Variants in SLC35G2 observed in about 807,000 individuals in gnomAD.
SLC35G2 encodes the protein solute carrier family 35 member G2, also known as transmembrane protein 22.
A neutral mutation model predicts 27.2 loss-of-function variants in SLC35G2; 20 were observed. The ratio of observed to expected loss-of-function variants is 0.74; its 90% CI spans 0.52 to 1.07. SLC35G2 has a LOEUF of 1.07. SLC35G2 is among the 50% of genes least tolerant of loss of function. The probability of loss-of-function intolerance (pLI) is 0.00; values close to 1 mark genes in which losing one functional copy is unlikely to be tolerated. For synonymous variants in SLC35G2, 148 were observed against 165.3 expected, an observed-to-expected ratio of 0.90 and a Z score of 0.80; for missense variants, 416 against 493.3, an observed-to-expected ratio of 0.84 and a Z score of 1.48.
chr3:136,826,006 A>T (rs1395434361), intron 1 of SLC35G2, among the ~76,000 whole-genome samples: 2 of 149,924 alleles, frequency 1.3e-5, no homozygotes, highest in Non-Finnish European at 3.0e-5. Flanking sequence ...GAATTCAGCC[A>T]TCAGGTCCTG....
intron 1 of SLC35G2, among the ~76,000 whole-genome samples, chr3:136,850,942 G>A (rs1937604372): frequency 6.6e-6 from 1 of 152,112 alleles, no homozygotes; most frequent in South Asian, 2.1e-4. Flanking sequence ...CAGTGATCAC[G>A]CCACTGCACT....
chr3:136,820,819 G>T (rs1560008402), intron 1 of SLC35G2, among the ~76,000 whole-genome samples: 1 of 152,044 alleles, frequency 6.6e-6, no homozygotes, highest in Non-Finnish European at 1.5e-5. Flanking sequence ...TGAAGTGTTT[G>T]GTATTTGGCT....
chr3:136,850,623 A>G (rs900931292), intron 1 of SLC35G2, among the ~76,000 whole-genome samples: 1 of 152,172 alleles, frequency 6.6e-6, no homozygotes, highest in Non-Finnish European at 1.5e-5. Flanking sequence ...TCTGAGAATT[A>G]GTAAAAGAAT....
chr3:136,851,494 C>G (rs1296219396), intron 1 of SLC35G2, among the ~76,000 whole-genome samples: 1 of 4,726 alleles, frequency 2.1e-4, no homozygotes, highest in Non-Finnish European at 8.8e-4. Context: ...GAGACTCCGT[C>G]TCAAAAAAAA....
intron 1 of SLC35G2, among the ~76,000 whole-genome samples, chr3:136,853,474 C>A (rs756269344): frequency 1.3e-5 from 2 of 152,046 alleles, no homozygotes; most frequent in African/African-American, 2.4e-5. Flanking sequence ...AATGAACTCT[C>A]CTGTATGTAC....
intron 1 of SLC35G2, chr3:136,846,699 A>G (rs939643628): frequency 3.3e-5 from 5 of 152,246 alleles, no homozygotes; most frequent in Non-Finnish European, 5.9e-5. Context: ...AGAGATATCA[A>G]AACACTGTAA....
intron 1 of SLC35G2, among the ~76,000 whole-genome samples, chr3:136,834,359 G>A (rs1936809655): frequency 6.6e-6 from 1 of 152,142 alleles, no homozygotes; most frequent in African/African-American, 2.4e-5. Context: ...TTGAGACGGA[G>A]TTTCACTCTT....
intron 1 of SLC35G2, among the ~76,000 whole-genome samples, chr3:136,835,567 T>C (rs1055730217): frequency 2.0e-5 from 3 of 152,214 alleles, no homozygotes; most frequent in African/African-American, 7.2e-5. Context: ...GGAAGACACT[T>C]TGAGGCTATG....
At chr3:136,840,495 C>T (rs1199020448) in intron 1 of SLC35G2, among the ~76,000 whole-genome samples, 1 of 151,676 alleles carries the variant, frequency 6.6e-6, no homozygotes, top group Non-Finnish European at 1.5e-5. Context: ...CTTCCTCCTC[C>T]TCTTCCTCCC....
At chr3:136,851,496 CAAAAA>C (rs11427657) in intron 1 of SLC35G2, among the ~76,000 whole-genome samples, 298 of 66,496 alleles carry the variant, frequency 4.5e-3, no homozygotes, top group African/African-American at 0.013. Context: ...GACTCCGTCT[CAAAAA>C]AAAAAAAAAA....
At chr3:136,852,646 C>T (rs1480457448) in intron 1 of SLC35G2, among the ~76,000 whole-genome samples, 1 of 151,804 alleles carries the variant, frequency 6.6e-6, no homozygotes, top group African/African-American at 2.4e-5. Flanking sequence ...GCACCTGCCA[C>T]CATTCCCAGC....
chr3:136,855,770 ATG>A lies in SLC35G2; in HGVS notation c.*73_*74del. 2 of 1,241,236 alleles carry A rather than the reference ATG, an allele frequency of 1.6e-6. No homozygotes were observed. Among genetic ancestry groups the A allele is most frequent in the Admixed American group, 1.8e-5 (1 of 55,102 alleles). The allele number at this position is 1,241,236 out of a possible 1,614,324, so 76.9% of individuals were successfully genotyped here. ...CTGCCATTTTAATGTTTACCTATGA[ATG>A]TCTTTTGTGTTATATAACTGACAGA... On this transcript the variant is annotated 3_prime_UTR_variant, in exon 2 of 2. Coordinates refer to ENST00000446465, the MANE Select transcript of SLC35G2 (RefSeq NM_025246.3).
rs1282328235 is a variant in SLC35G2, at chr3:136,844,488, CAAA to C, written c.-18-9942_-18-9940del. On this transcript the variant is annotated intron_variant, in intron 1 of 1. Coordinates refer to ENST00000446465, the MANE Select transcript of SLC35G2 (RefSeq NM_025246.3). ...TGGGAGACAGAGCGAGACTCCGTCT[CAAA>C]AAAAAAAAAAAACAACAAATTTGTT... Among the ~76,000 whole-genome samples, 5 of 79,870 alleles carry C rather than the reference CAAA, an allele frequency of 6.3e-5. No homozygotes were observed. The East Asian group carries it at 1.2e-3, about 19-fold the overall frequency. The allele number at this position is 79,870 out of a possible 152,430, so 52.4% of individuals were successfully genotyped here.
intron 1 of SLC35G2, among the ~76,000 whole-genome samples, chr3:136,829,229 T>G (rs746394476): frequency 1.7e-4 from 22 of 132,922 alleles, no homozygotes; most frequent in Non-Finnish European, 3.0e-4. Context: ...TTTAGATGAC[T>G]TTTTTTTTTT....
intron 1 of SLC35G2, among the ~76,000 whole-genome samples, chr3:136,846,220 T>A (rs1264700687): frequency 1.3e-5 from 2 of 152,168 alleles, no homozygotes; most frequent in Non-Finnish European, 2.9e-5. Context: ...CCAGCCTCCA[T>A]AATTCTGTAT....
intron 1 of SLC35G2, among the ~76,000 whole-genome samples, chr3:136,843,695 G>A (rs1307577815): frequency 6.6e-6 from 1 of 152,022 alleles, no homozygotes; most frequent in Admixed American, 6.6e-5. Context: ...CACTTTGGGA[G>A]GCCAAGGCGG....
intron 1 of SLC35G2, among the ~76,000 whole-genome samples, chr3:136,852,428 G>A (rs1343429159): frequency 6.6e-6 from 1 of 151,672 alleles, no homozygotes; most frequent in African/African-American, 2.4e-5. Context: ...TAAGATCCTG[G>A]AACCGATGAG....
At chr3:136,836,416 T>G (rs1936870515) in intron 1 of SLC35G2, among the ~76,000 whole-genome samples, 1 of 244 alleles carries the variant, frequency 4.1e-3, no homozygotes. Context: ...TCAGGCCTGC[T>G]TATCGACCAG....
At chr3:136,844,046 G>A (rs1226708352) in intron 1 of SLC35G2, among the ~76,000 whole-genome samples, 1 of 152,186 alleles carries the variant, frequency 6.6e-6, no homozygotes, top group East Asian at 1.9e-4. Flanking sequence ...AGGTGGACAG[G>A]CTGTGCAAGT....
Sources: gnomAD v4.1 joint callset for allele counts (sites outside exome capture counted in the v4.1 genomes callset) on GRCh38, gnomAD v4.1.1 for gene constraint, MANE v1.5 for transcripts, NCBI Gene and HGNC (gene_info 2026-07-23, HGNC 2026-07-21) for gene names.